SLC35F4: variants seen among roughly 807,000 people sequenced by gnomAD.
SLC35F4 encodes the protein solute carrier family 35 member F4.
A neutral mutation model predicts 44.2 loss-of-function variants in SLC35F4; 24 were observed. That is an observed-to-expected ratio of 0.54 (90% CI 0.39 to 0.76). The LOEUF is 0.76. SLC35F4 is among the 30% of genes least tolerant of loss of function. The pLI, the probability that SLC35F4 is intolerant of heterozygous loss-of-function variation, is 0.00. For missense variants in SLC35F4, 562 were observed against 586.1 expected (o/e 0.96, Z 0.42); for synonymous variants, 238 against 223.6 (o/e 1.06, Z -0.57).
chr14:57,924,928 T>G (rs1330491712), intron 1 of SLC35F4, among the ~76,000 whole-genome samples: 2 of 152,234 alleles, frequency 1.3e-5, no homozygotes, highest in East Asian at 3.9e-4. Flanking sequence ...TGTTTGTTTT[T>G]GTTTTTTTTA....
intron 1 of SLC35F4, among the ~76,000 whole-genome samples, chr14:57,736,405 A>G (rs2140491569): frequency 6.6e-6 from 1 of 152,342 alleles, no homozygotes; most frequent in East Asian, 1.9e-4. Context: ...CAGCTGTGAT[A>G]TGTATTTACT....
intron 1 of SLC35F4, among the ~76,000 whole-genome samples, chr14:57,844,459 G>A (rs1013666757): frequency 5.3e-5 from 8 of 152,202 alleles, no homozygotes; most frequent in African/African-American, 1.9e-4. Flanking sequence ...TTAAATCATA[G>A]CGAGAGAAAT....
intron 1 of SLC35F4, among the ~76,000 whole-genome samples, chr14:57,641,138 T>C (rs1271089161): frequency 1.4e-5 from 2 of 146,406 alleles, no homozygotes; most frequent in Non-Finnish European, 3.1e-5. Context: ...GCAAAGATAA[T>C]CATTTATAAA....
intron 1 of SLC35F4, among the ~76,000 whole-genome samples, chr14:57,762,843 AAT>A (rs1462595958): frequency 6.6e-6 from 1 of 152,110 alleles, no homozygotes; most frequent in Non-Finnish European, 1.5e-5. Flanking sequence ...CTTCTTTTTA[AAT>A]ATGTTACTCA....
exon 1 of SLC35F4, chr14:57,981,967 TCTG>T: frequency 6.6e-6 from 1 of 152,188 alleles, no homozygotes; most frequent in Admixed American, 6.5e-5. Context: ...CAGACTGTCT[TCTG>T]CTGCATATCA....
chr14:57,627,195 GATGAAC>G (rs1256075950), intron 1 of SLC35F4, among the ~76,000 whole-genome samples: 2 of 152,142 alleles, frequency 1.3e-5, no homozygotes, highest in African/African-American at 4.8e-5. Context: ...CTTGTTTTAA[GATGAAC>G]ATAACATAAA....
chr14:57,616,909 G>T (rs539147021), intron 1 of SLC35F4, among the ~76,000 whole-genome samples: 1 of 151,552 alleles, frequency 6.6e-6, no homozygotes, highest in African/African-American at 2.4e-5. Flanking sequence ...CTTCTTCCTC[G>T]CCCCATCCCC....
intron 1 of SLC35F4, among the ~76,000 whole-genome samples, chr14:57,700,723 G>A (rs1279131748): frequency 6.6e-6 from 1 of 151,862 alleles, no homozygotes; most frequent in Non-Finnish European, 1.5e-5. Flanking sequence ...GGGCAACATG[G>A]CAAAACTCCA....
chr14:57,839,765 T>G (rs1885311369), intron 1 of SLC35F4, among the ~76,000 whole-genome samples: 2 of 151,984 alleles, frequency 1.3e-5, no homozygotes, highest in African/African-American at 4.8e-5. Flanking sequence ...AAAAAAAAGT[T>G]GCAGAAAAAA....
chr14:57,625,376 C>T (rs1050732422), intron 1 of SLC35F4, among the ~76,000 whole-genome samples: 3 of 152,118 alleles, frequency 2.0e-5, no homozygotes, highest in Admixed American at 2.0e-4. Flanking sequence ...GCCATACTGC[C>T]CCAAGTAATT....
At chr14:57,581,776 G>T (rs1329579470) in intron 3 of SLC35F4, among the ~76,000 whole-genome samples, 1 of 152,226 alleles carries the variant, frequency 6.6e-6, no homozygotes, top group Admixed American at 6.5e-5. Context: ...TTGGAAGAGG[G>T]TGGGCAAACG....
At chr14:57,722,679 A>G (rs1052099657) in intron 1 of SLC35F4, among the ~76,000 whole-genome samples, 2 of 152,216 alleles carry the variant, frequency 1.3e-5, no homozygotes, top group African/African-American at 4.8e-5. Context: ...GGCAATCAGA[A>G]TAGTCTGACT....
chr14:57,913,117 T>A (rs1889248932), intron 1 of SLC35F4, among the ~76,000 whole-genome samples: 1 of 152,092 alleles, frequency 6.6e-6, no homozygotes, highest in Non-Finnish European at 1.5e-5. Flanking sequence ...TAGTATGATA[T>A]ATCTTTTTCA....
chr14:57,924,950 A>G (rs1390800791), intron 1 of SLC35F4, among the ~76,000 whole-genome samples: 1 of 151,882 alleles, frequency 6.6e-6, no homozygotes, highest in Non-Finnish European at 1.5e-5. Context: ...GAGACAAGGT[A>G]TCACTATGTT....
intron 1 of SLC35F4, among the ~76,000 whole-genome samples, chr14:57,959,485 G>A (rs1046679698): frequency 6.6e-6 from 1 of 152,126 alleles, no homozygotes; most frequent in Admixed American, 6.5e-5. Flanking sequence ...AGGAAATTGA[G>A]GTTCTACCCA....
chr14:57,594,212 C>T, intron 1 of SLC35F4, 88 bp from the exon 2 acceptor site: 3 of 1,272,332 alleles, frequency 2.4e-6, no homozygotes, highest in Non-Finnish European at 3.2e-6. Context: ...TGTTTGGAAA[C>T]AGGGTCTCAC....
chr14:57,855,384 G>A (rs1461354276), intron 1 of SLC35F4, among the ~76,000 whole-genome samples: 1 of 152,114 alleles, frequency 6.6e-6, no homozygotes, highest in Non-Finnish European at 1.5e-5. Flanking sequence ...CAAAGAATAT[G>A]AACAGACACT....
intron 1 of SLC35F4, among the ~76,000 whole-genome samples, chr14:57,961,647 C>T (rs988769767): frequency 3.0e-4 from 45 of 152,142 alleles, no homozygotes; most frequent in African/African-American, 1.1e-3. Context: ...GGATGGCTGC[C>T]CTACCTCCCC....
At chr14:57,666,022 T>A (rs539686989) in intron 1 of SLC35F4, among the ~76,000 whole-genome samples, 23 of 152,108 alleles carry the variant, frequency 1.5e-4, no homozygotes, top group Non-Finnish European at 2.6e-4. Flanking sequence ...CACTAATAGG[T>A]ACCAGGCTCA....
Sources: allele counts gnomAD v4.1 joint callset (sites outside exome capture counted in the v4.1 genomes callset), GRCh38; gene constraint gnomAD v4.1.1; transcripts MANE v1.5; gene names NCBI Gene and HGNC (gene_info 2026-07-23, HGNC 2026-07-21).